The following ATM variants were observed in gnomAD, a reference collection of about 807,000 sequenced individuals.
The protein encoded by ATM is serine-protein kinase ATM.
In ATM, 308 loss-of-function variants were observed where a neutral mutation model predicts 387.0. The ratio of observed to expected loss-of-function variants is 0.80; its 90% confidence interval spans 0.73 to 0.87. The LOEUF is 0.87. Among genes scored for constraint, ATM ranks in the 40% least tolerant of loss-of-function variants. The pLI, the probability that ATM is intolerant of heterozygous loss-of-function variation, is 0.00. For synonymous variants in ATM, 1,156 were observed against 1,187.3 expected (o/e 0.97, Z 0.54); for missense variants, 3,312 against 3,560.9 (o/e 0.93, Z 1.78).
chr11:108,308,026 T>C, intron 38 of ATM, 42 bp downstream of exon 38: 1 of 1,541,854 alleles, frequency 6.5e-7, no homozygotes, highest in Non-Finnish European at 9.0e-7. Context: ...GGATCTAGAG[T>C]GTAACTTGTT....
intron 29 of ATM, among the ~76,000 whole-genome samples, chr11:108,291,530 CA>C (rs2082794865): frequency 6.6e-6 from 1 of 152,172 alleles, no homozygotes; most frequent in African/African-American, 2.4e-5. Context: ...CCCCACTGGC[CA>C]TTGAGAAACT....
Position 108,282,864 on chromosome 11 carries a change from T to C in ATM, c.3731T>C (p.Ile1244Thr), listed in dbSNP as rs1159658224. ...FPFILLNYTN[I>T]EDFYRSCYKV... Reference sequence around the variant, plus strand: ...TTTATTTTATTAAACTACACAAATATTGAGGATTTCTATAGGTAAGTTTAT... The same window carrying C: ...TTTATTTTATTAAACTACACAAATACTGAGGATTTCTATAGGTAAGTTTAT... Residue 1244 changes from isoleucine (I) to threonine (T), a missense_variant, in exon 25 of 63, where the codon ATT becomes ACT. Physicochemically the swap from Ile to Thr is moderately conservative, Grantham distance 89. Coordinates refer to ENST00000675843, the MANE Select transcript of ATM (RefSeq NM_000051.4). The C allele has an allele frequency of 1.3e-6, 2 of 1,499,468 alleles. No homozygotes were observed. Among genetic ancestry groups the C allele is most frequent in the Admixed American group, 1.7e-5 (1 of 58,030 alleles). 92.9% of individuals were successfully genotyped at this position (1,499,468 alleles called of 1,614,324 possible).
At chr11:108,296,951 A>G (rs1419710069) in intron 32 of ATM, 2 of 323,648 alleles carry the variant, frequency 6.2e-6, no homozygotes, top group East Asian at 1.6e-4. Flanking sequence ...GATGTTAAAA[A>G]GCCAAGCAGG....
At chr11:108,260,149 C>CT (rs1219996921) in intron 16 of ATM, among the ~76,000 whole-genome samples, 1 of 151,462 alleles carries the variant, frequency 6.6e-6, no homozygotes, top group African/African-American at 2.4e-5. Flanking sequence ...ATTCTCCTGC[C>CT]TCAGCCTCCC....
At chr11:108,351,766 G>A (rs1198114375) in intron 59 of ATM, among the ~76,000 whole-genome samples, 1 of 152,160 alleles carries the variant, frequency 6.6e-6, no homozygotes, top group African/African-American at 2.4e-5. Context: ...CATGTCATAG[G>A]GTCCATCCTG....
rs750037588 is a variant in ATM at position 108,304,707 on chromosome 11, A to G, written c.5529A>G (p.Pro1843=). The change falls in exon 37 of 63, where the codon CCA becomes CCG. Residue 1843 remains proline, a synonymous_variant. Coordinates refer to ENST00000675843, the MANE Select transcript of ATM (RefSeq NM_000051.4). The stretch of plus-strand genomic sequence containing the variant: ...CTGACTTTTGTCAGACTGTACTTCC[A>G]TACTTGATTCATGATATTTTACTCC... The part of the protein sequence containing the change: ...VKTDFCQTVL[P]YLIHDILLQD... 1.2e-6 allele frequency: 2 copies of G among 1,613,994 alleles called. No individual in the cohort carries two copies. Among genetic ancestry groups the G allele is most frequent in the Non-Finnish European group, 8.5e-7 (1 of 1,179,950 alleles).
chr11:108,243,937 T>C lies in ATM; in HGVS notation c.497-16T>C. ...TTTTAAAAAATCATGACTAATAATT[T>C]TTTTTTTTTTTTAAGAATTGTTCTC... On this transcript the variant is annotated splice_polypyrimidine_tract_variant and intron_variant, in intron 5 of 62. Transcript: ENST00000675843. 1.3e-6 allele frequency: 2 copies of C among 1,525,288 alleles called. No individual in the cohort carries two copies. The highest frequency in any genetic ancestry group is 1.8e-6 in the Non-Finnish European group (2 of 1,134,010). 94.5% of individuals were successfully genotyped at this position (1,525,288 alleles called of 1,614,324 possible). A position where few individuals can be genotyped will look rare whatever the true frequency, so the allele number is the denominator to read the frequency against.
At chr11:108,229,437 T>C in intron 4 of ATM, 114 bp downstream of exon 4, 1 of 1,074,444 alleles carries the variant, frequency 9.3e-7, no homozygotes, top group East Asian at 2.6e-5. Flanking sequence ...TTGTTCTAAA[T>C]AGAATAAGAT....
chr11:108,256,368 C>A (rs756926892), intron 14 of ATM, 28 bp downstream of exon 14: 1 of 1,594,732 alleles, frequency 6.3e-7, no homozygotes. Context: ...AATAAAGTTT[C>A]GGATAAATTT....
chr11:108,343,462 A>C (rs1442748043), intron 57 of ATM, 91 bp downstream of exon 57: 3 of 1,493,332 alleles, frequency 2.0e-6, no homozygotes, highest in Non-Finnish European at 1.8e-6. Flanking sequence ...ATACAAAAAA[A>C]CTTTAATTTC....
At chr11:108,346,395 G>A (rs1192618819) in intron 58 of ATM, 2 of 152,728 alleles carry the variant, frequency 1.3e-5, no homozygotes, top group African/African-American at 4.8e-5. Flanking sequence ...TATATATTTT[G>A]ACTTTTTTTC....
At chr11:108,350,661 G>C (rs900044041) in intron 59 of ATM, among the ~76,000 whole-genome samples, 1 of 152,166 alleles carries the variant, frequency 6.6e-6, no homozygotes, top group Admixed American at 6.5e-5. Context: ...AACCTTACAG[G>C]TTTACAGAGT....
chr11:108,363,202 G>A (rs948737402), intron 61 of ATM, among the ~76,000 whole-genome samples: 8 of 152,072 alleles, frequency 5.3e-5, no homozygotes, highest in Admixed American at 2.6e-4. Context: ...CCAGTCCTCT[G>A]GGACATCATT....
rs1184345743 is a variant in ATM, at chr11:108,254,444, CAAT to C, written c.2124+408_2124+410del. 2.6e-5 allele frequency among the ~76,000 whole-genome samples: 4 copies of C among 152,216 alleles called. No individual in the cohort carries two copies. In the East Asian group the frequency reaches 5.8e-4, roughly 22 times the overall value. ...AAGAGAGATGAGTGATTAGTAAAGACAATAAATGGACTAGCAATTATTTTAGAC... is the reference window on the plus strand; with the variant it reads ...AAGAGAGATGAGTGATTAGTAAAGACAAATGGACTAGCAATTATTTTAGAC... On this transcript the variant is annotated intron_variant, in intron 13 of 62. Transcript: ENST00000675843.
chr11:108,303,124 C>A (rs1390457156), intron 36 of ATM, 95 bp downstream of exon 36: 4 of 1,214,634 alleles, frequency 3.3e-6, no homozygotes, highest in African/African-American at 3.0e-5. Context: ...CATAATATCA[C>A]CCCCACTCAA....
chr11:108,298,037 T>C (rs996241445), intron 33 of ATM, among the ~76,000 whole-genome samples: 1 of 152,220 alleles, frequency 6.6e-6, no homozygotes, highest in Non-Finnish European at 1.5e-5. Context: ...GACATAAGAA[T>C]GAAGACTTGG....
intron 58 of ATM, 121 bp downstream of exon 58, chr11:108,346,029 A>C: frequency 1.8e-6 from 2 of 1,091,398 alleles, no homozygotes; most frequent in Non-Finnish European, 2.8e-6. Flanking sequence ...TGATGTGGTT[A>C]GTAACCAACC....
chr11:108,237,535 T>A (rs758308466), intron 5 of ATM, among the ~76,000 whole-genome samples: 35 of 152,338 alleles, frequency 2.3e-4, no homozygotes, highest in Non-Finnish European at 4.4e-4. Flanking sequence ...TTACTTCTTA[T>A]AATTAGCTTT....
intron 24 of ATM, 135 bp from the exon 25 acceptor site, chr11:108,282,575 C>G (rs537246058): frequency 1.6e-5 from 12 of 754,952 alleles, no homozygotes; most frequent in African/African-American, 1.4e-4. Context: ...TTATTATTCC[C>G]ATCTCATAGA....
Sources: gnomAD v4.1 joint callset for allele counts (sites outside exome capture counted in the v4.1 genomes callset) on GRCh38, gnomAD v4.1.1 for gene constraint, MANE v1.5 for transcripts, NCBI Gene and HGNC (gene_info 2026-07-23, HGNC 2026-07-21) for gene names.